The following CRYGN variants were observed in gnomAD, a reference collection of about 807,000 sequenced individuals.
CRYGN encodes the protein crystallin gamma N, also known as gamma-crystallin N.
Under a neutral mutation model 19.2 loss-of-function variants are expected in CRYGN, and 17 were observed. The observed-to-expected ratio is 0.89, with a 90% CI of 0.61 to 1.33. CRYGN has a LOEUF of 1.33. Ranked by LOEUF, CRYGN falls within the 40% of genes most tolerant of loss-of-function variation. CRYGN has a pLI of 0.00. For synonymous variants in CRYGN, 84 were observed against 85.8 expected (o/e 0.98, Z 0.12); for missense variants, 239 against 239.6 (o/e 1.00, Z 0.02).
chr7:151,436,202 T>C lies in CRYGN; in HGVS notation c.394A>G (p.Ile132Val), dbSNP rs1801603434. 2.6e-6 allele frequency: 4 copies of C among 1,560,986 alleles called. No homozygotes were observed. Among genetic ancestry groups the C allele is most frequent in the Admixed American group, 3.8e-5 (2 of 52,566 alleles). ...RGWVKNCVNT[I>V]KVYGDGAAWS... The stretch of plus-strand genomic sequence containing the variant: ...CACGCTCCGTCCCCGTACACCTTGA[T>C]GGTGTTCACACAGTTCTTGACCCAG... The change falls in exon 3 of 4, where the codon ATC (isoleucine) becomes GTC (valine). Residue 132 changes from isoleucine (I) to valine (V), a missense_variant. Ile to Val is a conservative substitution (Grantham distance 29). Transcript: ENST00000337323. The surrounding 1 kb of genome is among the most constrained non-coding windows in gnomAD (Gnocchi z 5.1).
rs1236367730 is a variant in CRYGN at position 151,429,969 on chromosome 7, C to G, written c.*79G>C. ...TAACAAACTGGCAGAGAAATGAAAA[C>G]TGAGGGCATGATTTTAAGTAAACAC... On this transcript the variant is annotated 3_prime_UTR_variant, in exon 4 of 4. Coordinates refer to ENST00000337323, the MANE Select transcript of CRYGN (RefSeq NM_144727.3). 1.3e-6 allele frequency: 1 copy of G among 776,046 alleles called. No individual in the cohort carries two copies. The highest frequency in any genetic ancestry group is 1.7e-5 in the African/African-American group (1 of 58,934). 48.1% of individuals were successfully genotyped at this position (776,046 alleles called of 1,614,324 possible). A position where few individuals can be genotyped will look rare whatever the true frequency, so the allele number is the denominator to read the frequency against.
rs1318277044 is a variant in CRYGN, at chr7:151,429,935, C to T, written c.*113G>A. 1 of 738,290 alleles carries T rather than the reference C, an allele frequency of 1.4e-6. No homozygotes were observed. The allele number at this position is 738,290 out of a possible 1,614,324, so 45.7% of individuals were successfully genotyped here. A position where few individuals can be genotyped will look rare whatever the true frequency, so the allele number is the denominator to read the frequency against. Reference sequence around the variant, plus strand: ...TGGCAGATATGACACACAGAAGGCTCCACCTCCCTAACAAACTGGCAGAGA... The same window carrying T: ...TGGCAGATATGACACACAGAAGGCTTCACCTCCCTAACAAACTGGCAGAGA... On this transcript the variant is annotated 3_prime_UTR_variant, in exon 4 of 4. Coordinates refer to ENST00000337323, the MANE Select transcript of CRYGN (RefSeq NM_144727.3).
rs1469918286 is a variant in CRYGN, at chr7:151,429,143, A to C, written c.*905T>G. 3 of 152,468 alleles carry C rather than the reference A, an allele frequency of 2.0e-5. No individual in the cohort carries two copies. Among genetic ancestry groups the C allele is most frequent in the Non-Finnish European group, 1.5e-5 (1 of 68,032 alleles). The allele number at this position is 152,468 out of a possible 1,614,324, so 9.4% of individuals were successfully genotyped here. A position where few individuals can be genotyped will look rare whatever the true frequency, so the allele number is the denominator to read the frequency against. On this transcript the variant is annotated 3_prime_UTR_variant, in exon 4 of 4. Transcript: ENST00000337323. The stretch of plus-strand genomic sequence containing the variant: ...ATTCCCCAGGCATTAATTGCCTATG[A>C]GGGGGCGGAATGATTACCACTGCTG...
intron 3 of CRYGN, chr7:151,432,090 C>T: frequency 1.2e-6 from 1 of 859,352 alleles, no homozygotes; most frequent in Non-Finnish European, 1.5e-6. Flanking sequence ...CTGGGTGGGA[C>T]CGCAAGGGGT....
rs987531557 is a variant in CRYGN at position 151,430,947 on chromosome 7, C to G, written c.417-767G>C. Among the ~76,000 whole-genome samples the G allele has an allele frequency of 6.6e-6, 1 of 152,204 alleles. No homozygotes were observed. The highest frequency in any genetic ancestry group is 2.4e-5 in the African/African-American group (1 of 41,450). On this transcript the variant is annotated intron_variant, in intron 3 of 3. Coordinates refer to ENST00000337323, the MANE Select transcript of CRYGN (RefSeq NM_144727.3). The surrounding 1 kb of genome is among the most constrained non-coding windows in gnomAD (Gnocchi z 5.2). ...GATCCAACCCATGCACCTGGCCCCC[C>G]ACTGATCCCTCATCCAGCCAGGCCT...
At chr7:151,432,752 C>G (rs770808739) in intron 3 of CRYGN, among the ~76,000 whole-genome samples, 1 of 152,118 alleles carries the variant, frequency 6.6e-6, no homozygotes, top group Non-Finnish European at 1.5e-5. Flanking sequence ...TGCAGTGAGC[C>G]GAGATTGCGC....
At position 151,433,070 on chromosome 7, in the gene CRYGN, G is replaced by A. The variant is rs1027457074; in HGVS notation, c.417-2890C>T. ...TGCAGTTGCATGGAGGAGCCTGCAG[G>A]GCACAGAGGAGGGTTGGGGAGTCCC... On this transcript the variant is annotated intron_variant, in intron 3 of 3. Coordinates refer to ENST00000337323, the MANE Select transcript of CRYGN (RefSeq NM_144727.3). This position sits in a 1 kb window ranked among gnomAD's most constrained non-coding sequence, Gnocchi z 5.1. Among the ~76,000 whole-genome samples the A allele has an allele frequency of 1.3e-5, 2 of 152,230 alleles. No homozygotes were observed. Among genetic ancestry groups the A allele is most frequent in the Non-Finnish European group, 2.9e-5 (2 of 68,040 alleles).
Position 151,431,878 on chromosome 7 carries a change from G to T in CRYGN, c.417-1698C>A. ...GCCTGGGGAGTCCTGAACCGGCCTG[G>T]GTTCCGGCCCTGCCCCATCCCCATT... On this transcript the variant is annotated intron_variant, in intron 3 of 3. Transcript: ENST00000337323. This position sits in a 1 kb window ranked among gnomAD's most constrained non-coding sequence, Gnocchi z 4.8. The T allele has an allele frequency of 3.8e-6, 1 of 261,262 alleles. No homozygotes were observed. Among genetic ancestry groups the T allele is most frequent in the Non-Finnish European group, 7.2e-6 (1 of 138,366 alleles). The allele number at this position is 261,262 out of a possible 1,614,324, so 16.2% of individuals were successfully genotyped here.
chr7:151,433,302 G>A lies in CRYGN; in HGVS notation c.416+2878C>T, dbSNP rs1003231907. The stretch of plus-strand genomic sequence containing the variant: ...CAGGAAGGTGCGGTGGGGAGGGAAC[G>A]GGGGACCAGGAGGAAGGGACTGGAG... On this transcript the variant is annotated intron_variant, in intron 3 of 3. Transcript: ENST00000337323. The surrounding 1 kb of genome is among the most constrained non-coding windows in gnomAD (Gnocchi z 5.1). 6.6e-6 allele frequency among the ~76,000 whole-genome samples: 1 copy of A among 152,226 alleles called. No homozygotes were observed. The highest frequency in any genetic ancestry group is 1.5e-5 in the Non-Finnish European group (1 of 68,038).
At position 151,434,310 on chromosome 7, in the gene CRYGN, G is replaced by C. The variant is rs145547820; in HGVS notation, c.416+1870C>G. Among the ~76,000 whole-genome samples, 554 of 152,260 alleles carry C rather than the reference G, an allele frequency of 3.6e-3. 1 individual carries two copies. Among genetic ancestry groups the C allele is most frequent in the Non-Finnish European group, 6.1e-3 (412 of 68,014 alleles). On this transcript the variant is annotated intron_variant, in intron 3 of 3. Coordinates refer to ENST00000337323, the MANE Select transcript of CRYGN (RefSeq NM_144727.3). ...GTTCTCAACAAGCCCCTGAGCGTTG[G>C]GGGTGGGCCGGGGGGATTGTGTCTA...
In CRYGN at chr7:151,435,412, C is replaced by T. The variant is rs900693446; in HGVS notation, c.416+768G>A. Among the ~76,000 whole-genome samples, 1 of 152,144 alleles carries T rather than the reference C, an allele frequency of 6.6e-6. No homozygotes were observed. The highest frequency in any genetic ancestry group is 2.4e-5 in the African/African-American group (1 of 41,422). ...TGTAGAACGGGGGCGATAATATCTA[C>T]CTGACCTAGAGGTGTGGGCTGGACA... On this transcript the variant is annotated intron_variant, in intron 3 of 3. Transcript: ENST00000337323. This position sits in a 1 kb window ranked among gnomAD's most constrained non-coding sequence, Gnocchi z 4.2.
chr7:151,438,298 T>G, intron 1 of CRYGN, 54 bp from the exon 2 acceptor site: 1 of 1,542,892 alleles, frequency 6.5e-7, no homozygotes, highest in Non-Finnish European at 8.7e-7. Context: ...CCGTCAGCGT[T>G]GGAGGCTGGC....
Position 151,430,216 on chromosome 7 carries a change from C to T in CRYGN, c.417-36G>A, listed in dbSNP as rs900465194. The T allele has an allele frequency of 1.9e-6, 3 of 1,611,448 alleles. No individual in the cohort carries two copies. The highest frequency in any genetic ancestry group is 2.0e-4 in the Middle Eastern group (1 of 4,908). ...CAGGTGAAAGGAGGTGGGGCCAGGG[C>T]ATTAGGGGTACAGAGCAGGCCTTTT... On this transcript the variant is annotated intron_variant, in intron 3 of 3. Transcript: ENST00000337323. The surrounding 1 kb of genome is among the most constrained non-coding windows in gnomAD (Gnocchi z 5.2).
chr7:151,438,651 T>C (rs73476464), intron 1 of CRYGN, among the ~76,000 whole-genome samples: 7,939 of 152,244 alleles, frequency 0.052, 580 homozygotes, highest in African/African-American at 0.16. Context: ...AAAGAAGAAA[T>C]TTCACCCACA....
rs1801722879 is a variant in CRYGN, at chr7:151,439,978, C to A, written c.-61G>T. 1.4e-6 allele frequency: 2 copies of A among 1,461,164 alleles called. No homozygotes were observed. Among genetic ancestry groups the A allele is most frequent in the Admixed American group, 2.3e-5 (1 of 43,646 alleles). The allele number at this position is 1,461,164 out of a possible 1,614,324, so 90.5% of individuals were successfully genotyped here. A position where few individuals can be genotyped will look rare whatever the true frequency, so the allele number is the denominator to read the frequency against. ...ACCGGGCAGCGCCCTGCTGGCTCAGCGCCGCCCCGGACAAAAGATTTGCTG... is the reference window on the plus strand; with the variant it reads ...ACCGGGCAGCGCCCTGCTGGCTCAGAGCCGCCCCGGACAAAAGATTTGCTG... On this transcript the variant is annotated 5_prime_UTR_variant, in exon 1 of 4. Transcript: ENST00000337323.
chr7:151,437,854 G>A (rs774697057), intron 2 of CRYGN, 142 bp downstream of exon 2: 38 of 1,518,056 alleles, frequency 2.5e-5, no homozygotes, highest in African/African-American at 5.5e-5. Flanking sequence ...GCCAGCAGGT[G>A]GCTCTGGGTA....
chr7:151,432,037 G>T (rs73727194), intron 3 of CRYGN: 1 of 442,582 alleles, frequency 2.3e-6, no homozygotes. Context: ...CTCAGAAGCC[G>T]CCCGTTGGCT....
rs759686204 is a variant in CRYGN, at chr7:151,436,174, A to G, written c.416+6T>C. On this transcript the variant is annotated splice_donor_region_variant and intron_variant, in intron 3 of 3. Transcript: ENST00000337323. This position sits in a 1 kb window ranked among gnomAD's most constrained non-coding sequence, Gnocchi z 5.1. ...CTCGGGGTGCGGCCACGTGGCCTGT[A>G]CTCACGCTCCGTCCCCGTACACCTT... 1.4e-6 allele frequency: 2 copies of G among 1,471,658 alleles called. No homozygotes were observed. The highest frequency in any genetic ancestry group is 2.6e-5 in the East Asian group (1 of 38,192). The allele number at this position is 1,471,658 out of a possible 1,614,324, so 91.2% of individuals were successfully genotyped here.
At chr7:151,432,704 T>C (rs548341995) in intron 3 of CRYGN, among the ~76,000 whole-genome samples, 2 of 152,276 alleles carry the variant, frequency 1.3e-5, no homozygotes, top group Admixed American at 1.3e-4. Flanking sequence ...CTTGGGAGAC[T>C]GAGGCAAGAT....
Sources: gnomAD v4.1 joint callset for allele counts (sites outside exome capture counted in the v4.1 genomes callset) on GRCh38, gnomAD v4.1.1 for gene constraint, Gnocchi (gnomAD v3.1) non-coding constraint, MANE v1.5 for transcripts, NCBI Gene and HGNC (gene_info 2026-07-23, HGNC 2026-07-21) for gene names.